Variants in GULP1 observed in about 807,000 individuals in gnomAD.
The protein encoded by GULP1 is GULP PTB domain containing engulfment adaptor 1, also known as PTB domain-containing engulfment adapter protein 1.
A neutral mutation model predicts 40.9 loss-of-function variants in GULP1; 19 were observed. The ratio of observed to expected loss-of-function variants is 0.46; its 90% CI spans 0.32 to 0.68. The LOEUF (loss-of-function observed/expected upper bound fraction) is 0.68. Among genes scored for constraint, GULP1 ranks in the 30% least tolerant of loss-of-function variants. The pLI is 0.03. For missense variants in GULP1, 312 were observed against 362.2 expected (o/e 0.86, Z 1.12); for synonymous variants, 119 against 117.6 (o/e 1.01, Z -0.08).
At chr2:188,490,030 AGCT>A (rs1261166368) in intron 4 of GULP1, among the ~76,000 whole-genome samples, 1 of 152,154 alleles carries the variant, frequency 6.6e-6, no homozygotes, top group East Asian at 1.9e-4. Context: ...AGTGTTATAT[AGCT>A]GCTAGAAATT....
At chr2:188,508,671 A>T (rs1335178318) in intron 4 of GULP1, among the ~76,000 whole-genome samples, 1 of 151,992 alleles carries the variant, frequency 6.6e-6, no homozygotes, top group Non-Finnish European at 1.5e-5. Context: ...GATTCCTTTC[A>T]GCCTACTAAC....
chr2:188,406,030 T>C (rs1052026081), intron 2 of GULP1, among the ~76,000 whole-genome samples: 6 of 152,214 alleles, frequency 3.9e-5, no homozygotes, highest in Admixed American at 3.9e-4. Flanking sequence ...GTAGATACTT[T>C]CTGAAAAATG....
chr2:188,298,857 A>G (rs1056660487), intron 1 of GULP1, among the ~76,000 whole-genome samples: 12 of 152,192 alleles, frequency 7.9e-5, no homozygotes, highest in African/African-American at 2.9e-4. Flanking sequence ...CGGTGCTGCC[A>G]AGTGAATATA....
At chr2:188,495,652 C>G (rs546134711) in intron 4 of GULP1, among the ~76,000 whole-genome samples, 2 of 152,042 alleles carry the variant, frequency 1.3e-5, no homozygotes, top group East Asian at 3.9e-4. Flanking sequence ...AATGGCAAGC[C>G]TAGTATTTAA....
intron 2 of GULP1, among the ~76,000 whole-genome samples, chr2:188,457,555 A>G (rs1318166302): frequency 3.3e-5 from 5 of 152,216 alleles, no homozygotes; most frequent in Non-Finnish European, 7.3e-5. Context: ...TTTCTCTTGT[A>G]AATTGCCCAG....
intron 1 of GULP1, among the ~76,000 whole-genome samples, chr2:188,305,009 C>T (rs2106188740): frequency 6.6e-6 from 1 of 152,158 alleles, no homozygotes; most frequent in East Asian, 1.9e-4. Context: ...GTTGAGGGCT[C>T]ATTCCCCAAG....
intron 6 of GULP1, among the ~76,000 whole-genome samples, chr2:188,529,753 C>T (rs1419949760): frequency 6.6e-6 from 1 of 152,096 alleles, no homozygotes; most frequent in African/African-American, 2.4e-5. Flanking sequence ...CTCTTGCTGC[C>T]TTTTCACACT....
At chr2:188,305,934 C>T (rs952834621) in intron 1 of GULP1, among the ~76,000 whole-genome samples, 3 of 152,000 alleles carry the variant, frequency 2.0e-5, no homozygotes, top group South Asian at 2.1e-4. Context: ...TGTGCCACTG[C>T]GCCTGGCTAA....
intron 2 of GULP1, among the ~76,000 whole-genome samples, chr2:188,417,257 T>G (rs2152746331): frequency 6.6e-6 from 1 of 152,308 alleles, no homozygotes; most frequent in South Asian, 2.1e-4. Context: ...TCTGCAGAGC[T>G]TTTAAAGCAT....
In GULP1 at chr2:188,471,327, A is replaced by G. The variant is rs528925771; in HGVS notation, c.-44-6332A>G. On this transcript the variant is annotated intron_variant, in intron 2 of 11. Coordinates refer to ENST00000409830, the MANE Select transcript of GULP1 (RefSeq NM_016315.4). ...CCGCCCCACCTTGTTTAGTTAGTCT[A>G]TGTCTTTTGATTGGAGAGTTTCGTC... Among the ~76,000 whole-genome samples, 7 of 151,444 alleles carry G rather than the reference A, an allele frequency of 4.6e-5. No homozygotes were observed. The East Asian group carries it at 1.4e-3, about 30-fold the overall frequency.
chr2:188,311,564 C>T (rs1355176171), intron 1 of GULP1, among the ~76,000 whole-genome samples: 1 of 151,884 alleles, frequency 6.6e-6, no homozygotes, highest in Non-Finnish European at 1.5e-5. Context: ...TGAATTTGAC[C>T]AGTCATTTAA....
At chr2:188,544,360 A>T (rs1691334470) in intron 7 of GULP1, among the ~76,000 whole-genome samples, 1 of 152,020 alleles carries the variant, frequency 6.6e-6, no homozygotes, top group African/African-American at 2.4e-5. Flanking sequence ...AACAGATGAG[A>T]ATGTAGAAAA....
At chr2:188,341,336 A>C (rs2152155602) in intron 1 of GULP1, among the ~76,000 whole-genome samples, 1 of 152,144 alleles carries the variant, frequency 6.6e-6, no homozygotes, top group African/African-American at 2.4e-5. Flanking sequence ...TCTCATGAGA[A>C]CTCACTGTCA....
intron 4 of GULP1, among the ~76,000 whole-genome samples, chr2:188,504,669 T>C (rs1418393328): frequency 6.6e-6 from 1 of 151,906 alleles, no homozygotes; most frequent in East Asian, 1.9e-4. Flanking sequence ...TCCAGTGGGC[T>C]ATTTGAAATT....
intron 7 of GULP1, among the ~76,000 whole-genome samples, chr2:188,557,944 G>A (rs1359893035): frequency 6.6e-6 from 1 of 152,130 alleles, no homozygotes; most frequent in Admixed American, 6.5e-5. Flanking sequence ...AGCTGTTCAG[G>A]GCAGTGGGGC....
At chr2:188,293,567 T>G (rs139612459) in intron 1 of GULP1, among the ~76,000 whole-genome samples, 61 of 152,226 alleles carry the variant, frequency 4.0e-4, no homozygotes, top group African/African-American at 1.5e-3. Flanking sequence ...ATTCTTCAAA[T>G]TTGCAAATTG....
At chr2:188,363,317 A>G (rs534736963) in intron 1 of GULP1, among the ~76,000 whole-genome samples, 3 of 152,070 alleles carry the variant, frequency 2.0e-5, no homozygotes, top group Non-Finnish European at 4.4e-5. Context: ...GATGTTATGC[A>G]ATAATTTGTA....
intron 1 of GULP1, among the ~76,000 whole-genome samples, chr2:188,369,808 T>C (rs969819626): frequency 4.6e-5 from 7 of 152,200 alleles, no homozygotes; most frequent in South Asian, 2.1e-4. Context: ...GCTCAGAGTC[T>C]AGAGCCTATT....
chr2:188,395,495 C>T (rs982614340), intron 2 of GULP1, among the ~76,000 whole-genome samples: 1 of 152,176 alleles, frequency 6.6e-6, no homozygotes, highest in African/African-American at 2.4e-5. Context: ...CTCCAAGACC[C>T]TTCATGAGCA....
Sources: gnomAD v4.1 joint callset for allele counts (sites outside exome capture counted in the v4.1 genomes callset) on GRCh38, gnomAD v4.1.1 for gene constraint, MANE v1.5 for transcripts, NCBI Gene and HGNC (gene_info 2026-07-23, HGNC 2026-07-21) for gene names.